Variants in COL26A1 observed in about 807,000 individuals in gnomAD.
The protein encoded by COL26A1 is collagen type XXVI alpha 1 chain.
A neutral mutation model predicts 59.3 loss-of-function variants in COL26A1; 41 were observed. That is an observed-to-expected ratio of 0.69 (90% CI 0.54 to 0.90). The LOEUF (loss-of-function observed/expected upper bound fraction) is 0.90, where lower values mean the gene tolerates loss of function less well. COL26A1 is among the 40% of genes least tolerant of loss of function. COL26A1 has a pLI of 0.00. For missense variants in COL26A1, 612 were observed against 602.3 expected (o/e 1.02, Z -0.17); for synonymous variants, 266 against 256.0 (o/e 1.04, Z -0.37).
At position 101,539,954 on chromosome 7, in the gene COL26A1, A is replaced by C; in HGVS notation, c.509A>C (p.Glu170Ala). Residue 170 changes from glutamate to alanine, a missense_variant, in exon 5 of 13, where the codon GAG becomes GCG. Physicochemically the swap from Glu to Ala is moderately radical, Grantham distance 107 (BLOSUM62 -1). Transcript: ENST00000313669. ...SSPDNDLPAP[E>A]STPPTWNEDF... ...CCGGACAACGACCTGCCAGCCCCCGAGAGCACTCCGCCGACCTGGAATGAG... is the reference window on the plus strand; with the variant it reads ...CCGGACAACGACCTGCCAGCCCCCGCGAGCACTCCGCCGACCTGGAATGAG... 6.2e-7 allele frequency: 1 copy of C among 1,613,654 alleles called. No homozygotes were observed. Among genetic ancestry groups the C allele is most frequent in the Non-Finnish European group, 8.5e-7 (1 of 1,179,814 alleles).
At chr7:101,493,876 T>A (rs1456868680) in intron 3 of COL26A1, among the ~76,000 whole-genome samples, 1 of 147,262 alleles carries the variant, frequency 6.8e-6, no homozygotes, top group Non-Finnish European at 1.5e-5. Context: ...GAGCTTGTAG[T>A]GAGCTGAGAT....
rs139163952 is a variant in COL26A1 at position 101,503,532 on chromosome 7, A to G, written c.386-29550A>G. On this transcript the variant is annotated intron_variant, in intron 3 of 12. Coordinates refer to ENST00000313669, the MANE Select transcript of COL26A1 (RefSeq NM_001278563.3). ...CAGGTAGCTGAGACTACAGGTGTAC[A>G]TCACCACACCTGGCTAATGTTCGTA... Among the ~76,000 whole-genome samples the G allele has an allele frequency of 3.1e-3, 477 of 152,206 alleles. 3 individuals are homozygous for G. Among genetic ancestry groups the G allele is most frequent in the African/African-American group, 0.011 (464 of 41,526 alleles).
intron 1 of COL26A1, among the ~76,000 whole-genome samples, chr7:101,402,105 C>CA (rs1792021795): frequency 6.6e-6 from 1 of 152,148 alleles, no homozygotes; most frequent in African/African-American, 2.4e-5. Flanking sequence ...AGGAATTTCT[C>CA]AGAGATGCCA....
chr7:101,504,390 G>A (rs939459147), intron 3 of COL26A1, among the ~76,000 whole-genome samples: 3 of 152,162 alleles, frequency 2.0e-5, no homozygotes, highest in East Asian at 1.9e-4. Flanking sequence ...CATGAGCCAC[G>A]GTGCCCGGCC....
intron 3 of COL26A1, among the ~76,000 whole-genome samples, chr7:101,511,338 A>G (rs74633123): frequency 0.062 from 9,503 of 152,284 alleles, 551 homozygotes; most frequent in African/African-American, 0.15. Context: ...TTGGGAAAGC[A>G]TAACCCGCTG....
chr7:101,539,455 A>T (rs983491537), intron 4 of COL26A1, among the ~76,000 whole-genome samples: 12 of 151,926 alleles, frequency 7.9e-5, no homozygotes, highest in Admixed American at 7.2e-4. Flanking sequence ...CCTCCTGAGT[A>T]ACTGGGACTG....
intron 1 of COL26A1, among the ~76,000 whole-genome samples, chr7:101,385,159 A>G (rs1416863038): frequency 7.2e-6 from 1 of 139,468 alleles, no homozygotes; most frequent in East Asian, 2.0e-4. Context: ...ACACCCAGAA[A>G]CAACTAGAAA....
chr7:101,548,914 C>T (rs1795801586), intron 8 of COL26A1, among the ~76,000 whole-genome samples: 1 of 152,100 alleles, frequency 6.6e-6, no homozygotes, highest in Non-Finnish European at 1.5e-5. Context: ...CCTGCCGGGT[C>T]TCGGGATTGG....
intron 3 of COL26A1, among the ~76,000 whole-genome samples, chr7:101,497,538 T>C (rs983835655): frequency 6.6e-6 from 1 of 150,974 alleles, no homozygotes; most frequent in Admixed American, 6.6e-5. Context: ...TGGCCAGGTG[T>C]GGTGGTGCAT....
chr7:101,522,004 C>T (rs1263914394), intron 3 of COL26A1, among the ~76,000 whole-genome samples: 1 of 152,088 alleles, frequency 6.6e-6, no homozygotes, highest in Non-Finnish European at 1.5e-5. Flanking sequence ...TTTATTTATC[C>T]AGTTGGCCAT....
chr7:101,420,130 C>A (rs773128712), intron 2 of COL26A1, 31 bp downstream of exon 2: 7 of 1,608,224 alleles, frequency 4.4e-6, no homozygotes, highest in South Asian at 1.1e-5. Context: ...CTGCTCTGCC[C>A]TTCCCTCCCA....
At chr7:101,448,137 A>G (rs1321931518) in intron 3 of COL26A1, among the ~76,000 whole-genome samples, 1 of 152,196 alleles carries the variant, frequency 6.6e-6, no homozygotes, top group Non-Finnish European at 1.5e-5. Flanking sequence ...GCAGAGTTGG[A>G]TATCTGGGCT....
At chr7:101,441,592 A>G (rs1195687903) in intron 2 of COL26A1, among the ~76,000 whole-genome samples, 2 of 152,184 alleles carry the variant, frequency 1.3e-5, no homozygotes, top group Non-Finnish European at 2.9e-5. Flanking sequence ...TGTTGGGATT[A>G]CAGGCGTGAG....
At chr7:101,445,731 C>CAAAAAA (rs138245779) in intron 2 of COL26A1, among the ~76,000 whole-genome samples, 1 of 38,444 alleles carries the variant, frequency 2.6e-5, no homozygotes, top group Non-Finnish European at 4.3e-5. Flanking sequence ...GACTCCGTCT[C>CAAAAAA]AAAAAAAAAA....
chr7:101,414,765 G>T (rs1792334662), intron 1 of COL26A1, among the ~76,000 whole-genome samples: 1 of 152,098 alleles, frequency 6.6e-6, no homozygotes, highest in African/African-American at 2.4e-5. Context: ...CACACACTGA[G>T]TGCTTGAGCT....
chr7:101,489,680 C>T (rs4729722), intron 3 of COL26A1, among the ~76,000 whole-genome samples: 7,444 of 20,770 alleles, frequency 0.36, 1,679 homozygotes, highest in African/African-American at 0.64. Flanking sequence ...TTCCTTCCTT[C>T]CTTTCTTTCT....
At chr7:101,522,989 A>G (rs1423576089) in intron 3 of COL26A1, among the ~76,000 whole-genome samples, 1 of 152,118 alleles carries the variant, frequency 6.6e-6, no homozygotes, top group Non-Finnish European at 1.5e-5. Context: ...TTGTGCATAC[A>G]CATATTCCAA....
chr7:101,447,629 G>T (rs1793229839), intron 2 of COL26A1, 55 bp from the exon 3 acceptor site: 2 of 1,208,474 alleles, frequency 1.7e-6, no homozygotes, highest in East Asian at 2.6e-5. Flanking sequence ...CAGCAGTGGG[G>T]TCTGGAGGTG....
rs140744087 is a variant in COL26A1 at position 101,478,600 on chromosome 7, G to A, written c.385+30813G>A. 2.5e-3 allele frequency among the ~76,000 whole-genome samples: 377 copies of A among 152,226 alleles called. 1 individual carries two copies. The highest frequency in any genetic ancestry group is 8.7e-3 in the African/African-American group (361 of 41,540). ...TACCACTAAGATTTAACAGTTGTTA[G>A]CATTATGTCATATTTGCTTCAGTGT... On this transcript the variant is annotated intron_variant, in intron 3 of 12. Coordinates refer to ENST00000313669, the MANE Select transcript of COL26A1 (RefSeq NM_001278563.3).
Sources: allele counts gnomAD v4.1 joint callset (sites outside exome capture counted in the v4.1 genomes callset), GRCh38; gene constraint gnomAD v4.1.1; transcripts MANE v1.5; gene names NCBI Gene and HGNC (gene_info 2026-07-23, HGNC 2026-07-21).